The following RARA variants were observed in gnomAD, a reference collection of about 807,000 sequenced individuals.
RARA encodes the protein retinoic acid receptor alpha.
RARA carries 5 observed loss-of-function variants against 42.8 expected under a neutral mutation model. The observed-to-expected ratio is 0.12, with a 90% CI of 0.06 to 0.25. RARA has a LOEUF of 0.25. Ranked by LOEUF, RARA falls within the 10% of genes least tolerant of loss-of-function variation. The probability of loss-of-function intolerance (pLI) is 1.00; values close to 1 mark genes in which losing one functional copy is unlikely to be tolerated. For missense variants in RARA, 402 were observed against 628.7 expected, an observed-to-expected ratio of 0.64 and a Z score of 3.86; for synonymous variants, 256 against 259.5, an observed-to-expected ratio of 0.99 and a Z score of 0.13.
At chr17:40,316,519 T>A (rs1200722701) in intron 1 of RARA, among the ~76,000 whole-genome samples, 1 of 152,228 alleles carries the variant, frequency 6.6e-6, no homozygotes, top group Non-Finnish European at 1.5e-5. Flanking sequence ...TGTGCATGCA[T>A]GCTTGCATTC....
intron 1 of RARA, among the ~76,000 whole-genome samples, chr17:40,327,378 G>A (rs1240331919): frequency 1.3e-5 from 2 of 152,226 alleles, no homozygotes; most frequent in Non-Finnish European, 2.9e-5. Flanking sequence ...CTCACCTTGA[G>A]AGAGGCAGGC....
At chr17:40,329,233 C>T (rs956984735) in intron 1 of RARA, among the ~76,000 whole-genome samples, 3 of 151,902 alleles carry the variant, frequency 2.0e-5, no homozygotes, top group African/African-American at 4.8e-5. Context: ...AAGCAATTCT[C>T]GTGCATCAGC....
intron 6 of RARA, among the ~76,000 whole-genome samples, chr17:40,353,226 C>T (rs991508082): frequency 5.3e-5 from 8 of 151,748 alleles, no homozygotes; most frequent in African/African-American, 1.2e-4. Flanking sequence ...CCATGCTGAG[C>T]TCAGGGGACT....
rs569184288 is a variant in RARA at position 40,338,265 on chromosome 17, A to C, written c.178+6869A>C. ...TCTGTGGGAAGAGGAAGTGGTTTCCATCTCTAAGTCATTTTGGGGCAGTGC... is the reference window on the plus strand; with the variant it reads ...TCTGTGGGAAGAGGAAGTGGTTTCCCTCTCTAAGTCATTTTGGGGCAGTGC... On this transcript the variant is annotated intron_variant, in intron 2 of 8. Coordinates refer to ENST00000254066, the MANE Select transcript of RARA (RefSeq NM_000964.4). Among the ~76,000 whole-genome samples, 21 of 152,236 alleles carry C rather than the reference A, an allele frequency of 1.4e-4. No individual in the cohort carries two copies. In the East Asian group the frequency reaches 3.7e-3, roughly 27 times the overall value.
intron 2 of RARA, among the ~76,000 whole-genome samples, chr17:40,337,904 GGAGGGACAGCCCAGGCA>G (rs1291379775): frequency 4.6e-5 from 7 of 152,096 alleles, no homozygotes; most frequent in Admixed American, 1.3e-4. Context: ...CAGCCCAGGC[GGAGGGACAGCCCAGGCA>G]GAGGGACAGC....
chr17:40,346,551 C>T (rs1354156210), intron 2 of RARA, among the ~76,000 whole-genome samples: 1 of 151,208 alleles, frequency 6.6e-6, no homozygotes, highest in Non-Finnish European at 1.5e-5. Context: ...ATTGTTACTG[C>T]TTTTACGTCT....
At chr17:40,325,007 C>T (rs781447025) in intron 1 of RARA, among the ~76,000 whole-genome samples, 27 of 151,962 alleles carry the variant, frequency 1.8e-4, no homozygotes, top group Non-Finnish European at 3.7e-4. Context: ...AATCCCAGCA[C>T]TTTGGGAGGC....
At chr17:40,332,614 C>T (rs1421421925) in intron 2 of RARA, among the ~76,000 whole-genome samples, 4 of 152,346 alleles carry the variant, frequency 2.6e-5, no homozygotes, top group African/African-American at 4.8e-5. Flanking sequence ...CTTCCTGGAT[C>T]GCCTCCTCTG....
At chr17:40,340,517 T>C (rs2034000655) in intron 2 of RARA, among the ~76,000 whole-genome samples, 1 of 152,220 alleles carries the variant, frequency 6.6e-6, no homozygotes, top group Admixed American at 6.5e-5. Context: ...ACTCATCAAC[T>C]GCTGTAACCC....
At chr17:40,341,201 C>A in intron 2 of RARA, 1 of 672,354 alleles carries the variant, frequency 1.5e-6, no homozygotes, top group South Asian at 5.1e-5. Flanking sequence ...GGCACCAGCT[C>A]TTCCTTTTAT....
intron 2 of RARA, among the ~76,000 whole-genome samples, chr17:40,347,336 G>T (rs567315224): frequency 2.0e-5 from 3 of 152,156 alleles, no homozygotes; most frequent in Non-Finnish European, 4.4e-5. Context: ...GATTGTCCTG[G>T]TCATAGTTCT....
intron 2 of RARA, chr17:40,341,512 C>A: frequency 6.7e-7 from 1 of 1,484,436 alleles, no homozygotes; most frequent in Non-Finnish European, 9.0e-7. Context: ...CCTCCTGCCG[C>A]CGCTCTCCGC....
intron 2 of RARA, among the ~76,000 whole-genome samples, chr17:40,347,043 C>T (rs983242551): frequency 1.4e-4 from 21 of 152,226 alleles, no homozygotes; most frequent in African/African-American, 4.8e-4. Flanking sequence ...CTGGTGTTCC[C>T]ATGCTTCCTT....
intron 2 of RARA, chr17:40,342,579 T>G: frequency 7.2e-7 from 1 of 1,381,778 alleles, no homozygotes; most frequent in Non-Finnish European, 9.4e-7. Flanking sequence ...CCTGCCCGGG[T>G]CACCAGTCGG....
intron 2 of RARA, among the ~76,000 whole-genome samples, chr17:40,343,535 C>G (rs547704975): frequency 2.6e-5 from 4 of 152,330 alleles, no homozygotes; most frequent in African/African-American, 9.6e-5. Flanking sequence ...ATCTTTGAGG[C>G]TTTCATCCCC....
In RARA at chr17:40,355,166, C is replaced by T; in HGVS notation, c.1013-97C>T. ...TGTGTGGGGAGGCGCCTGCGAGCTG[C>T]CCTCCTCCATGGCCTGGGCAGGCAC... On this transcript the variant is annotated intron_variant, in intron 7 of 8. Transcript: ENST00000254066. This position sits in a 1 kb window ranked among gnomAD's most constrained non-coding sequence, Gnocchi z 4.1. The T allele has an allele frequency of 7.0e-7, 1 of 1,428,848 alleles. No individual in the cohort carries two copies. Among genetic ancestry groups the T allele is most frequent in the Non-Finnish European group, 9.3e-7 (1 of 1,071,608 alleles). 88.5% of individuals were successfully genotyped at this position (1,428,848 alleles called of 1,614,324 possible). A position where few individuals can be genotyped will look rare whatever the true frequency, so the allele number is the denominator to read the frequency against.
rs550200481 is a variant in RARA, at chr17:40,341,456, C to T, written c.179-6860C>T. On this transcript the variant is annotated intron_variant, in intron 2 of 8. Coordinates refer to ENST00000254066, the MANE Select transcript of RARA (RefSeq NM_000964.4). ...ACACAGCGTCCGAGCTGCACAATGTCACACCCGGGTGCCAAACACTTGGCC... is the reference window on the plus strand; with the variant it reads ...ACACAGCGTCCGAGCTGCACAATGTTACACCCGGGTGCCAAACACTTGGCC... 87 of 1,520,648 alleles carry T rather than the reference C, an allele frequency of 5.7e-5. 1 individual carries two copies. The South Asian group carries it at 9.4e-4, about 16-fold the overall frequency. The allele number at this position is 1,520,648 out of a possible 1,614,324, so 94.2% of individuals were successfully genotyped here. A position where few individuals can be genotyped will look rare whatever the true frequency, so the allele number is the denominator to read the frequency against.
intron 1 of RARA, among the ~76,000 whole-genome samples, chr17:40,314,122 G>A (rs544561902): frequency 1.3e-5 from 2 of 150,958 alleles, no homozygotes; most frequent in East Asian, 3.9e-4. Flanking sequence ...TTAAAGGGCA[G>A]TAGGCTGCCA....
rs1288783159 is a variant in RARA at position 40,354,888 on chromosome 17, G to A, written c.1013-375G>A. 6.6e-6 allele frequency among the ~76,000 whole-genome samples: 1 copy of A among 152,214 alleles called. No homozygotes were observed. The highest frequency in any genetic ancestry group is 1.5e-5 in the Non-Finnish European group (1 of 68,040). On this transcript the variant is annotated intron_variant, in intron 7 of 8. Coordinates refer to ENST00000254066, the MANE Select transcript of RARA (RefSeq NM_000964.4). The surrounding 1 kb of genome is among the most constrained non-coding windows in gnomAD (Gnocchi z 4.5). ...CAGATACTGTGCAGGTGCCCAGAGCGAGCTCCAGTGCTTGTTAGTTGCTAT... is the reference window on the plus strand; with the variant it reads ...CAGATACTGTGCAGGTGCCCAGAGCAAGCTCCAGTGCTTGTTAGTTGCTAT...
Sources: gnomAD v4.1 joint callset for allele counts (sites outside exome capture counted in the v4.1 genomes callset) on GRCh38, gnomAD v4.1.1 for gene constraint, Gnocchi (gnomAD v3.1) non-coding constraint, MANE v1.5 for transcripts, NCBI Gene and HGNC (gene_info 2026-07-23, HGNC 2026-07-21) for gene names.